The following TRPM6 variants were observed in gnomAD, a reference collection of about 807,000 sequenced individuals.
TRPM6 encodes transient receptor potential cation channel subfamily M member 6.
TRPM6 carries 111 observed loss-of-function variants against 247.6 expected under a neutral mutation model. The observed-to-expected ratio is 0.45, with a 90% CI of 0.38 to 0.52. TRPM6 has a LOEUF of 0.52. Among genes scored for constraint, TRPM6 ranks in the 20% least tolerant of loss-of-function variants. TRPM6 has a pLI of 0.00. For synonymous variants in TRPM6, 892 were observed against 853.8 expected (o/e 1.04, Z -0.78); for missense variants, 2,126 against 2,421.5 (o/e 0.88, Z 2.56).
intron 24 of TRPM6, 112 bp from the exon 25 acceptor site, chr9:74,771,947 T>G (rs1049899895): frequency 1.0e-6 from 1 of 982,846 alleles, no homozygotes; most frequent in South Asian, 1.4e-5. Flanking sequence ...GTGATAAGTT[T>G]GTCACCTTGT....
At chr9:74,838,574 G>A (rs1829804339) in intron 5 of TRPM6, among the ~76,000 whole-genome samples, 1 of 152,236 alleles carries the variant, frequency 6.6e-6, no homozygotes, top group South Asian at 2.1e-4. Context: ...CAGAAGGAGA[G>A]CTAACACACT....
chr9:74,871,421 GT>G lies in TRPM6; in HGVS notation c.34-12674del, dbSNP rs1000397099. Among the ~76,000 whole-genome samples, 4 of 151,522 alleles carry G rather than the reference GT, an allele frequency of 2.6e-5. No homozygotes were observed. The East Asian group carries it at 5.8e-4, about 22-fold the overall frequency. On this transcript the variant is annotated intron_variant, in intron 1 of 38. Transcript: ENST00000360774. ...AATTATACATGCTGTTCTGCACCTTGTTTTTTTTCTGATTAATAATGATATG... is the reference window on the plus strand; with the variant it reads ...AATTATACATGCTGTTCTGCACCTTGTTTTTTTCTGATTAATAATGATATG...
chr9:74,847,921 G>A (rs1347086404), intron 3 of TRPM6, among the ~76,000 whole-genome samples: 2 of 152,084 alleles, frequency 1.3e-5, no homozygotes, highest in African/African-American at 4.8e-5. Context: ...ACCTCCAGCG[G>A]GTGCCCAAAA....
intron 6 of TRPM6, among the ~76,000 whole-genome samples, chr9:74,830,801 T>A (rs62569709): frequency 0.19 from 25,047 of 130,600 alleles, 2,485 homozygotes; most frequent in East Asian, 0.31. Context: ...TTCACCATGT[T>A]CCTCAGGCTA....
intron 6 of TRPM6, among the ~76,000 whole-genome samples, chr9:74,831,468 C>T (rs563464141): frequency 7.9e-5 from 12 of 152,028 alleles, no homozygotes; most frequent in African/African-American, 2.7e-4. Context: ...CCAGCCTGGG[C>T]AACACAGCAA....
At position 74,723,532 on chromosome 9, in the gene TRPM6, G is replaced by C. The variant is rs545653742; in HGVS notation, c.*1081C>G. 2 of 150,382 alleles carry C rather than the reference G, an allele frequency of 1.3e-5. No homozygotes were observed. Among genetic ancestry groups the C allele is most frequent in the South Asian group, 2.1e-4 (1 of 4,756 alleles). 9.3% of individuals were successfully genotyped at this position (150,382 alleles called of 1,614,324 possible). On this transcript the variant is annotated 3_prime_UTR_variant, in exon 39 of 39. Transcript: ENST00000360774. The stretch of plus-strand genomic sequence containing the variant: ...AAAAAAAAAAAAAAGGCCAGGCGCA[G>C]TGGCTCACGCCTGTAATCCCAGCAC...
At position 74,739,378 on chromosome 9, in the gene TRPM6, G is replaced by C; in HGVS notation, c.5559C>G (p.Pro1853=). Residue 1853 remains proline (P), a synonymous_variant, in exon 35 of 39, where the codon CCC becomes CCG. Coordinates refer to ENST00000360774, the MANE Select transcript of TRPM6 (RefSeq NM_017662.5). ...TFNQVKPQTI[P]YTPRFLEVFL... ...CAAGATTTTCTTACCTTGGTGTGTA[G>C]GGTATGGTTTGTGGTTTCACTTGGT... 1.2e-6 allele frequency: 2 copies of C among 1,614,036 alleles called. No individual in the cohort carries two copies. Among genetic ancestry groups the C allele is most frequent in the South Asian group, 1.1e-5 (1 of 91,076 alleles).
intron 13 of TRPM6, among the ~76,000 whole-genome samples, chr9:74,808,788 A>T (rs1375803532): frequency 6.6e-6 from 1 of 152,248 alleles, no homozygotes; most frequent in East Asian, 1.9e-4. Context: ...GAAAACAAGG[A>T]ATATAGAATG....
intron 5 of TRPM6, among the ~76,000 whole-genome samples, chr9:74,838,955 C>G (rs1354052440): frequency 6.6e-6 from 1 of 151,822 alleles, no homozygotes; most frequent in Non-Finnish European, 1.5e-5. Context: ...ACTAAAAATA[C>G]AAAAATTAGC....
chr9:74,777,156 A>G (rs1000420393), intron 23 of TRPM6, among the ~76,000 whole-genome samples: 3 of 152,234 alleles, frequency 2.0e-5, no homozygotes, highest in African/African-American at 7.2e-5. Flanking sequence ...TCAGAAATGC[A>G]CATTTTTGGG....
At chr9:74,780,420 C>G (rs370282060) in intron 23 of TRPM6, among the ~76,000 whole-genome samples, 1 of 151,394 alleles carries the variant, frequency 6.6e-6, no homozygotes. Context: ...TGCCATTGCA[C>G]TCTAGCCTGG....
In TRPM6 at chr9:74,816,777, A is replaced by G. The variant is rs747876650; in HGVS notation, c.1208-8T>C. The G allele has an allele frequency of 8.1e-6, 13 of 1,613,600 alleles. No individual in the cohort carries two copies. The Admixed American group carries it at 1.2e-4, about 14-fold the overall frequency. The stretch of plus-strand genomic sequence containing the variant: ...ACGCTGATAAATTTGTGCCTAGGGT[A>G]AAAGAAAGGAACAATCATATATTCT... On this transcript the variant is annotated splice_polypyrimidine_tract_variant and splice_region_variant and intron_variant, in intron 10 of 38. Coordinates refer to ENST00000360774, the MANE Select transcript of TRPM6 (RefSeq NM_017662.5).
At chr9:74,795,125 T>C (rs1275826273) in intron 18 of TRPM6, among the ~76,000 whole-genome samples, 1 of 152,128 alleles carries the variant, frequency 6.6e-6, no homozygotes, top group East Asian at 1.9e-4. Context: ...TTGTGTCCCT[T>C]CAAGACGGCC....
intron 16 of TRPM6, among the ~76,000 whole-genome samples, chr9:74,801,243 A>ATTTTTTTTTTTTT (rs59490187): frequency 1.2e-5 from 1 of 85,252 alleles, no homozygotes. Flanking sequence ...AAGCCTGGGA[A>ATTTTTTTTTTTTT]TTTTTTTTTT....
At chr9:74,824,362 G>C (rs1829252612) in intron 7 of TRPM6, among the ~76,000 whole-genome samples, 1 of 151,436 alleles carries the variant, frequency 6.6e-6, no homozygotes, top group South Asian at 2.1e-4. Flanking sequence ...ATGTTGGCCA[G>C]GCTGGACTTG....
chr9:74,842,576 C>T (rs1374534291), intron 3 of TRPM6, among the ~76,000 whole-genome samples: 4 of 152,072 alleles, frequency 2.6e-5, no homozygotes, highest in Admixed American at 2.0e-4. Context: ...TCTTTAAAGG[C>T]AGGAATACCT....
At chr9:74,837,515 C>T (rs1313012962) in intron 5 of TRPM6, among the ~76,000 whole-genome samples, 3 of 151,786 alleles carry the variant, frequency 2.0e-5, no homozygotes, top group Admixed American at 6.6e-5. Context: ...GGCACGATCT[C>T]GGCTCGCTGC....
rs34100441 is a variant in TRPM6, at chr9:74,816,465, G to GAA, written c.1308+202_1308+203dup. ...AGCTTCAGGTAGATTGCAGAGCCAG[G>GAA]AAAAAAAAAAAAAAAAAAAAAAAAC... On this transcript the variant is annotated intron_variant, in intron 11 of 38. Transcript: ENST00000360774. 0.017 allele frequency among the ~76,000 whole-genome samples: 1,582 copies of GAA among 93,584 alleles called. 68 individuals are homozygous for GAA. The highest frequency in any genetic ancestry group is 0.06 in the African/African-American group (1,464 of 24,582). The allele number at this position is 93,584 out of a possible 152,430, so 61.4% of individuals were successfully genotyped here. A position where few individuals can be genotyped will look rare whatever the true frequency, so the allele number is the denominator to read the frequency against.
chr9:74,798,795 C>CA (rs1426985717), intron 17 of TRPM6, among the ~76,000 whole-genome samples: 1 of 152,170 alleles, frequency 6.6e-6, no homozygotes, highest in Non-Finnish European at 1.5e-5. Flanking sequence ...GTAGCTAACT[C>CA]AGCCTTTTTT....
Sources: allele counts gnomAD v4.1 joint callset (sites outside exome capture counted in the v4.1 genomes callset), GRCh38; gene constraint gnomAD v4.1.1; transcripts MANE v1.5; gene names NCBI Gene and HGNC (gene_info 2026-07-23, HGNC 2026-07-21).